Variants in CHST8 observed in about 807,000 individuals in gnomAD.
CHST8 encodes the protein carbohydrate sulfotransferase 8.
In CHST8, 10 loss-of-function variants were observed where a neutral mutation model predicts 15.0. The ratio of observed to expected loss-of-function variants is 0.67; its 90% CI spans 0.41 to 1.13. CHST8 has a LOEUF of 1.13. Ranked by LOEUF, CHST8 falls within the 50% of genes most tolerant of loss-of-function variation. The pLI, the probability that CHST8 is intolerant of heterozygous loss-of-function variation, is 0.00. For missense variants in CHST8, 634 were observed against 608.2 expected, an observed-to-expected ratio of 1.04 and a Z score of -0.45; for synonymous variants, 259 against 256.6, an observed-to-expected ratio of 1.01 and a Z score of -0.09.
At chr19:33,648,576 T>C (rs781343618) in intron 1 of CHST8, among the ~76,000 whole-genome samples, 1 of 152,152 alleles carries the variant, frequency 6.6e-6, no homozygotes, top group Non-Finnish European at 1.5e-5. Flanking sequence ...AAATAAAAAA[T>C]TAAAAAAATT....
intron 3 of CHST8, among the ~76,000 whole-genome samples, chr19:33,742,306 A>G (rs917556108): frequency 1.3e-5 from 2 of 152,224 alleles, no homozygotes; most frequent in African/African-American, 4.8e-5. Flanking sequence ...TGGGTAATTT[A>G]AAAGAAACGA....
chr19:33,772,228 T>C lies in CHST8; in HGVS notation c.440T>C (p.Val147Ala), dbSNP rs1407715836. 5 of 1,597,068 alleles carry C rather than the reference T, an allele frequency of 3.1e-6. No individual in the cohort carries two copies. In the African/African-American group the frequency reaches 5.3e-5, roughly 17 times the overall value. The part of the protein sequence containing the change: ...PGPGTLDGRW[V>A]SLHRSQQERK... Reference sequence around the variant, plus strand: ...CCCGGGACGCTGGATGGCCGCTGGGTCAGCCTGCACCGGAGCCAGCAGGAG... The same window carrying C: ...CCCGGGACGCTGGATGGCCGCTGGGCCAGCCTGCACCGGAGCCAGCAGGAG... Residue 147 changes from valine to alanine, a missense_variant, in exon 5 of 5, where the codon GTC (valine) becomes GCC (alanine). Physicochemically the swap from Val to Ala is moderately conservative, Grantham distance 64. Transcript: ENST00000650847.
chr19:33,726,828 A>G (rs972407246), intron 3 of CHST8, among the ~76,000 whole-genome samples: 2 of 151,954 alleles, frequency 1.3e-5, no homozygotes, highest in African/African-American at 4.8e-5. Context: ...CTGAGGGGAC[A>G]GTGCATGCCG....
intron 2 of CHST8, among the ~76,000 whole-genome samples, chr19:33,669,912 T>G (rs1972714201): frequency 6.6e-6 from 1 of 152,212 alleles, no homozygotes; most frequent in Non-Finnish European, 1.5e-5. Context: ...TAGAATTGAT[T>G]ATGTCTTTGA....
intron 1 of CHST8, 102 bp from the exon 2 acceptor site, chr19:33,667,665 C>T (rs1202094145): frequency 6.6e-6 from 1 of 152,216 alleles, no homozygotes; most frequent in Non-Finnish European, 1.5e-5. Flanking sequence ...ACAGACGACA[C>T]TCCCCCTCAT....
intron 1 of CHST8, among the ~76,000 whole-genome samples, chr19:33,624,951 C>T (rs1040409231): frequency 6.6e-6 from 1 of 152,200 alleles, no homozygotes; most frequent in East Asian, 1.9e-4. Flanking sequence ...GTCTTAGCTA[C>T]ATCTGCTGCT....
At chr19:33,644,359 A>G (rs1322537903) in intron 1 of CHST8, among the ~76,000 whole-genome samples, 1 of 152,198 alleles carries the variant, frequency 6.6e-6, no homozygotes, top group African/African-American at 2.4e-5. Context: ...GGGATACAGC[A>G]GGACGTGAAG....
At chr19:33,695,830 T>C (rs1973207337) in intron 3 of CHST8, among the ~76,000 whole-genome samples, 1 of 142,706 alleles carries the variant, frequency 7.0e-6, no homozygotes, top group African/African-American at 2.7e-5. Flanking sequence ...TCTTTTTTTT[T>C]TTTTTTTTTT....
chr19:33,763,242 A>C (rs1367272391), intron 3 of CHST8, among the ~76,000 whole-genome samples: 1 of 152,178 alleles, frequency 6.6e-6, no homozygotes, highest in Non-Finnish European at 1.5e-5. Context: ...CGCGTGGTCC[A>C]CAGAGGGAGG....
chr19:33,709,410 G>GAA (rs150765405), intron 3 of CHST8, among the ~76,000 whole-genome samples: 2 of 151,306 alleles, frequency 1.3e-5, no homozygotes, highest in Admixed American at 6.6e-5. Flanking sequence ...TAGTTTATTA[G>GAA]AAAAAAAAAT....
intron 3 of CHST8, among the ~76,000 whole-genome samples, chr19:33,704,441 A>G (rs1157407562): frequency 6.6e-6 from 1 of 152,208 alleles, no homozygotes. Context: ...TGACAGAGCC[A>G]CAGGGAGCGG....
chr19:33,685,716 G>T (rs1189999236), intron 2 of CHST8, among the ~76,000 whole-genome samples: 1 of 152,206 alleles, frequency 6.6e-6, no homozygotes, highest in Admixed American at 6.5e-5. Flanking sequence ...ACAGATGGTG[G>T]TGTCCACTCC....
intron 3 of CHST8, chr19:33,744,312 G>T (rs1000361643): frequency 6.6e-6 from 1 of 152,350 alleles, no homozygotes; most frequent in East Asian, 1.9e-4. Context: ...TTCTGAGGAA[G>T]GCATGTGTTA....
intron 1 of CHST8, among the ~76,000 whole-genome samples, chr19:33,660,916 A>G (rs955261777): frequency 1.6e-4 from 25 of 152,142 alleles, no homozygotes; most frequent in African/African-American, 5.1e-4. Flanking sequence ...GTGTGAAGCC[A>G]AAGACCCTCC....
chr19:33,694,173 T>C (rs1973159908), intron 3 of CHST8, among the ~76,000 whole-genome samples: 1 of 2,464 alleles, frequency 4.1e-4, no homozygotes, highest in African/African-American at 1.4e-3. Flanking sequence ...TTTATTCATA[T>C]ATATATATAT....
At chr19:33,670,775 CG>C (rs778270324) in intron 2 of CHST8, among the ~76,000 whole-genome samples, 1 of 152,140 alleles carries the variant, frequency 6.6e-6, no homozygotes, top group East Asian at 1.9e-4. Context: ...GAGAGCATGT[CG>C]GGGGGCTCTG....
chr19:33,745,460 C>A (rs563779250), intron 3 of CHST8, among the ~76,000 whole-genome samples: 42 of 152,358 alleles, frequency 2.8e-4, no homozygotes, highest in African/African-American at 9.9e-4. Context: ...ATGCTGGGGA[C>A]CTCCTTGCTG....
intron 3 of CHST8, among the ~76,000 whole-genome samples, chr19:33,758,269 T>A (rs1974645736): frequency 6.6e-6 from 1 of 152,124 alleles, no homozygotes; most frequent in Non-Finnish European, 1.5e-5. Context: ...CCATTCACTG[T>A]GCTTGAGTCA....
chr19:33,672,801 C>G (rs1041370811), intron 2 of CHST8, among the ~76,000 whole-genome samples: 1 of 152,150 alleles, frequency 6.6e-6, no homozygotes, highest in Non-Finnish European at 1.5e-5. Flanking sequence ...GGCAGGGGAG[C>G]CTGCATCTCT....
Sources: allele counts gnomAD v4.1 joint callset (sites outside exome capture counted in the v4.1 genomes callset), GRCh38; gene constraint gnomAD v4.1.1; transcripts MANE v1.5; gene names NCBI Gene and HGNC (gene_info 2026-07-23, HGNC 2026-07-21).